FAM184B: variants seen among roughly 807,000 people sequenced by gnomAD.
The protein encoded by FAM184B is protein FAM184B.
A neutral mutation model predicts 135.9 loss-of-function variants in FAM184B; 111 were observed. The ratio of observed to expected loss-of-function variants is 0.82; its 90% CI spans 0.70 to 0.96. The LOEUF (loss-of-function observed/expected upper bound fraction) is 0.96, where lower values mean the gene tolerates loss of function less well. Among genes scored for constraint, FAM184B ranks in the 40% least tolerant of loss-of-function variants. The probability of loss-of-function intolerance (pLI) is 0.00; values close to 1 mark genes in which losing one functional copy is unlikely to be tolerated. For synonymous variants in FAM184B, 552 were observed against 524.8 expected (o/e 1.05, Z -0.71); for missense variants, 1,375 against 1,323.9 (o/e 1.04, Z -0.60).
At chr4:17,699,575 A>AG (rs935370567) in intron 5 of FAM184B, among the ~76,000 whole-genome samples, 5 of 152,152 alleles carry the variant, frequency 3.3e-5, no homozygotes, top group African/African-American at 4.8e-5. Context: ...GAAAGAAAAA[A>AG]CAACTGTCAA....
intron 1 of FAM184B, among the ~76,000 whole-genome samples, chr4:17,745,149 G>A (rs979260257): frequency 6.6e-6 from 1 of 152,184 alleles, no homozygotes; most frequent in African/African-American, 2.4e-5. Flanking sequence ...TTGGGGCCAT[G>A]GGATGGGGCC....
At chr4:17,701,804 T>C (rs1342500614) in intron 5 of FAM184B, among the ~76,000 whole-genome samples, 2 of 152,218 alleles carry the variant, frequency 1.3e-5, no homozygotes, top group Non-Finnish European at 2.9e-5. Context: ...GTAGCTAATG[T>C]GCAGAAATCA....
intron 1 of FAM184B, among the ~76,000 whole-genome samples, chr4:17,778,647 T>A (rs1377123127): frequency 6.6e-6 from 1 of 152,204 alleles, no homozygotes; most frequent in Non-Finnish European, 1.5e-5. Flanking sequence ...AGCCAGGAGT[T>A]CGAGACCAGC....
Position 17,632,408 on chromosome 4 carries a change from T to C in FAM184B, c.*124A>G. ...TGAAGTGTTAACGCCAAAATTTGTT[T>C]TAGCTATCATATATAAATCATAAGC... On this transcript the variant is annotated 3_prime_UTR_variant, in exon 18 of 18. Coordinates refer to ENST00000265018, the MANE Select transcript of FAM184B (RefSeq NM_015688.2). The C allele has an allele frequency of 1.2e-6, 1 of 807,724 alleles. No homozygotes were observed. The allele number at this position is 807,724 out of a possible 1,614,324, so 50.0% of individuals were successfully genotyped here.
At chr4:17,677,539 A>T (rs1716340005) in intron 7 of FAM184B, among the ~76,000 whole-genome samples, 1 of 152,172 alleles carries the variant, frequency 6.6e-6, no homozygotes, top group African/African-American at 2.4e-5. Context: ...TGGTAAAAAA[A>T]TTGCCAAAAA....
intron 7 of FAM184B, among the ~76,000 whole-genome samples, chr4:17,677,102 C>T (rs1266881757): frequency 2.6e-5 from 4 of 152,054 alleles, no homozygotes; most frequent in Non-Finnish European, 5.9e-5. Context: ...GGCTGGAGTA[C>T]AGTGGCACAA....
chr4:17,669,664 T>C (rs868118185), intron 7 of FAM184B, among the ~76,000 whole-genome samples: 1 of 152,274 alleles, frequency 6.6e-6, no homozygotes, highest in South Asian at 2.1e-4. Flanking sequence ...GCTATAATAA[T>C]GAAGCTATAG....
chr4:17,651,843 G>A (rs558898924), intron 11 of FAM184B, among the ~76,000 whole-genome samples: 6 of 152,210 alleles, frequency 3.9e-5, no homozygotes, highest in East Asian at 3.9e-4. Context: ...TGTTAACTTC[G>A]AAGATGCTGT....
intron 3 of FAM184B, among the ~76,000 whole-genome samples, chr4:17,706,373 A>G (rs1024746755): frequency 6.6e-6 from 1 of 152,022 alleles, no homozygotes; most frequent in African/African-American, 2.4e-5. Flanking sequence ...TTTCTGCTCC[A>G]TGGTGGCATC....
chr4:17,722,603 G>C (rs1409917016), intron 1 of FAM184B, among the ~76,000 whole-genome samples: 2 of 152,172 alleles, frequency 1.3e-5, no homozygotes, highest in Admixed American at 6.5e-5. Flanking sequence ...CTGAGACTTA[G>C]CTGAAAGACG....
At chr4:17,747,824 G>A (rs868312439) in intron 1 of FAM184B, among the ~76,000 whole-genome samples, 42 of 148,532 alleles carry the variant, frequency 2.8e-4, no homozygotes, top group African/African-American at 1.0e-3. Context: ...GGGAGGCTGA[G>A]GCAGGAGAAT....
In FAM184B at chr4:17,635,078, A is replaced by G. The variant is rs775922853; in HGVS notation, c.2820T>C (p.Ser940=). The G allele has an allele frequency of 4.5e-6, 7 of 1,551,792 alleles. No individual in the cohort carries two copies. The highest frequency in any genetic ancestry group is 3.6e-5 in the South Asian group (3 of 84,060). The change falls in exon 16 of 18, where the codon AGT becomes AGC. Residue 940 remains serine (S), a synonymous_variant. Transcript: ENST00000265018. Reference sequence around the variant, plus strand: ...AAGACCGATTCCGGTGGGACATGGCACTGGGGAATGCTGCGTAGTGAAATC... The same window carrying G: ...AAGACCGATTCCGGTGGGACATGGCGCTGGGGAATGCTGCGTAGTGAAATC... ...ERRFHYAAFP[S]AMSHRNRSFS...
intron 1 of FAM184B, among the ~76,000 whole-genome samples, chr4:17,766,045 A>G (rs1179730546): frequency 6.6e-6 from 1 of 152,230 alleles, no homozygotes; most frequent in Non-Finnish European, 1.5e-5. Context: ...TGAGTGTTAC[A>G]GCTCATAAAG....
At chr4:17,737,575 G>A (rs1717940595) in intron 1 of FAM184B, among the ~76,000 whole-genome samples, 1 of 152,170 alleles carries the variant, frequency 6.6e-6, no homozygotes, top group African/African-American at 2.4e-5. Flanking sequence ...TCGTAAGCAA[G>A]ATATCACCAG....
At chr4:17,710,515 C>T (rs1375369569) in intron 1 of FAM184B, among the ~76,000 whole-genome samples, 1 of 152,144 alleles carries the variant, frequency 6.6e-6, no homozygotes. Flanking sequence ...ATAAAAAACA[C>T]TCAACAAGCA....
At chr4:17,672,233 G>A (rs940840827) in intron 7 of FAM184B, among the ~76,000 whole-genome samples, 13 of 139,952 alleles carry the variant, frequency 9.3e-5, no homozygotes, top group Admixed American at 8.5e-4. Flanking sequence ...GGCCAGAAGG[G>A]AATGGGATGA....
At chr4:17,692,639 T>C (rs1716763367) in intron 6 of FAM184B, among the ~76,000 whole-genome samples, 1 of 152,162 alleles carries the variant, frequency 6.6e-6, no homozygotes, top group Non-Finnish European at 1.5e-5. Flanking sequence ...GAGGTTGTGA[T>C]GTACAGCCAG....
At chr4:17,765,578 T>C (rs1215496992) in intron 1 of FAM184B, among the ~76,000 whole-genome samples, 2 of 152,312 alleles carry the variant, frequency 1.3e-5, no homozygotes, top group Non-Finnish European at 2.9e-5. Flanking sequence ...TAAAAAACAG[T>C]AGAAGCTCTT....
In FAM184B at chr4:17,631,616, T is replaced by C. The variant is rs1355806085; in HGVS notation, c.*916A>G. 3 of 151,812 alleles carry C rather than the reference T, an allele frequency of 2.0e-5. No individual in the cohort carries two copies. The highest frequency in any genetic ancestry group is 2.0e-4 in the Admixed American group (3 of 15,254). 9.4% of individuals were successfully genotyped at this position (151,812 alleles called of 1,614,324 possible). On this transcript the variant is annotated 3_prime_UTR_variant, in exon 18 of 18. Transcript: ENST00000265018. ...GTACTTAATTCCAATTCATGTTAATTTATGTTATCTTGCTTAATCCTTGCA... is the reference window on the plus strand; with the variant it reads ...GTACTTAATTCCAATTCATGTTAATCTATGTTATCTTGCTTAATCCTTGCA...
Sources: gnomAD v4.1 joint callset for allele counts (sites outside exome capture counted in the v4.1 genomes callset) on GRCh38, gnomAD v4.1.1 for gene constraint, MANE v1.5 for transcripts, NCBI Gene and HGNC (gene_info 2026-07-23, HGNC 2026-07-21) for gene names.